ZBTB16: variants seen among roughly 807,000 people sequenced by gnomAD.
The protein encoded by ZBTB16 is zinc finger and BTB domain-containing protein 16.
A neutral mutation model predicts 56.8 loss-of-function variants in ZBTB16; 8 were observed. The observed-to-expected ratio is 0.14, with a 90% CI of 0.08 to 0.25. The LOEUF (loss-of-function observed/expected upper bound fraction) is 0.25. Among genes scored for constraint, ZBTB16 ranks in the 10% least tolerant of loss-of-function variants. ZBTB16 has a pLI of 1.00. For synonymous variants in ZBTB16, 363 were observed against 368.5 expected (o/e 0.98, Z 0.17); for missense variants, 625 against 903.0 (o/e 0.69, Z 3.95).
At chr11:114,227,302 C>T (rs1329614826) in intron 4 of ZBTB16, among the ~76,000 whole-genome samples, 1 of 152,180 alleles carries the variant, frequency 6.6e-6, no homozygotes, top group Non-Finnish European at 1.5e-5. Context: ...ACCTCCTGGG[C>T]CCCATGTGCT....
In ZBTB16 at chr11:114,247,214, G is replaced by A. The variant is rs765355649; in HGVS notation, c.1641G>A (p.Glu547=). Reference sequence around the variant, plus strand: ...TCTCCACAGGCGACCACCCCTACGAGTGTGAGTTCTGTGGCAGCTGCTTCC... The same window carrying A: ...TCTCCACAGGCGACCACCCCTACGAATGTGAGTTCTGTGGCAGCTGCTTCC... ...LRSHTGDHPY[E]CEFCGSCFRD... Residue 547 remains glutamate, a synonymous_variant, in exon 6 of 7, where the codon GAG becomes GAA. Coordinates refer to ENST00000335953, the MANE Select transcript of ZBTB16 (RefSeq NM_006006.6). The A allele has an allele frequency of 3.1e-6, 5 of 1,614,246 alleles. No individual in the cohort carries two copies. Among genetic ancestry groups the A allele is most frequent in the Non-Finnish European group, 4.2e-6 (5 of 1,180,048 alleles).
chr11:114,067,901 T>G (rs2137664283), intron 2 of ZBTB16, among the ~76,000 whole-genome samples: 1 of 152,018 alleles, frequency 6.6e-6, no homozygotes, highest in East Asian at 2.0e-4. Flanking sequence ...TGTAGAAGGC[T>G]TTTTTTCTCC....
At chr11:114,214,695 C>G (rs897996882) in intron 4 of ZBTB16, among the ~76,000 whole-genome samples, 2 of 152,176 alleles carry the variant, frequency 1.3e-5, no homozygotes, top group Admixed American at 1.3e-4. Flanking sequence ...TCTCCGCCTC[C>G]CGGGTTCAAG....
At chr11:114,149,275 A>T (rs1396803588) in intron 2 of ZBTB16, among the ~76,000 whole-genome samples, 1 of 152,170 alleles carries the variant, frequency 6.6e-6, no homozygotes, top group African/African-American at 2.4e-5. Context: ...ACTCAGCCCG[A>T]TGTATATATA....
chr11:114,224,320 G>A lies in ZBTB16; in HGVS notation c.1454-17847G>A, dbSNP rs78283850. 4.7e-3 allele frequency among the ~76,000 whole-genome samples: 721 copies of A among 152,324 alleles called. 10 individuals carry two copies. Among genetic ancestry groups the A allele is most frequent in the African/African-American group, 0.017 (697 of 41,570 alleles). ...TGATCTCTTTCGAGAGGTGAGAGAG[G>A]AATCTAGGATAATGCCCACTTTTCT... On this transcript the variant is annotated intron_variant, in intron 4 of 6. Coordinates refer to ENST00000335953, the MANE Select transcript of ZBTB16 (RefSeq NM_006006.6).
chr11:114,173,922 G>A (rs1289431056), intron 3 of ZBTB16, among the ~76,000 whole-genome samples: 1 of 152,208 alleles, frequency 6.6e-6, no homozygotes, highest in Non-Finnish European at 1.5e-5. Flanking sequence ...GAAGTCAAAA[G>A]GAGAATGCCT....
At chr11:114,135,929 G>A (rs140680097) in intron 2 of ZBTB16, among the ~76,000 whole-genome samples, 60 of 152,302 alleles carry the variant, frequency 3.9e-4, no homozygotes, top group Middle Eastern at 3.4e-3. Context: ...CAGCTCAAAG[G>A]AAAGAACATC....
At chr11:114,236,527 C>T (rs984699371) in intron 4 of ZBTB16, among the ~76,000 whole-genome samples, 1 of 152,136 alleles carries the variant, frequency 6.6e-6, no homozygotes, top group East Asian at 1.9e-4. Flanking sequence ...CAGACAGACA[C>T]GGGGGGCCTC....
rs147700139 is a variant in ZBTB16, at chr11:114,145,127, G to A, written c.1269-11210G>A. Reference sequence around the variant, plus strand: ...CAGAACTGTATCCCCTTTTTGGGGGGCTTTTACAGCAGAGGAAATCTTTAT... The same window carrying A: ...CAGAACTGTATCCCCTTTTTGGGGGACTTTTACAGCAGAGGAAATCTTTAT... On this transcript the variant is annotated intron_variant, in intron 2 of 6. Coordinates refer to ENST00000335953, the MANE Select transcript of ZBTB16 (RefSeq NM_006006.6). Among the ~76,000 whole-genome samples the A allele has an allele frequency of 7.2e-5, 11 of 152,314 alleles. No individual in the cohort carries two copies. In the East Asian group the frequency reaches 2.1e-3, roughly 29 times the overall value.
chr11:114,119,264 C>CAAAAAAA (rs71063549), intron 2 of ZBTB16, among the ~76,000 whole-genome samples: 4 of 57,250 alleles, frequency 7.0e-5, no homozygotes, highest in African/African-American at 2.0e-4. Context: ...AACTCTGTCT[C>CAAAAAAA]AAAAAAAAAA....
intron 2 of ZBTB16, among the ~76,000 whole-genome samples, chr11:114,116,203 A>G (rs115616331): frequency 2.3e-3 from 345 of 152,254 alleles, no homozygotes; most frequent in African/African-American, 8.0e-3. Context: ...TGGGGACATT[A>G]ATAGCTGGGG....
At chr11:114,216,403 G>A (rs1388804648) in intron 4 of ZBTB16, among the ~76,000 whole-genome samples, 2 of 152,150 alleles carry the variant, frequency 1.3e-5, no homozygotes, top group Non-Finnish European at 2.9e-5. Flanking sequence ...TTACTAGGCT[G>A]ATAAATTGCT....
intron 3 of ZBTB16, among the ~76,000 whole-genome samples, chr11:114,160,607 A>ATC (rs1942561781): frequency 6.6e-6 from 1 of 152,232 alleles, no homozygotes; most frequent in African/African-American, 2.4e-5. Flanking sequence ...TCTGAGAGAC[A>ATC]GTGCCTTCCC....
At chr11:114,233,072 C>T (rs1259615415) in intron 4 of ZBTB16, among the ~76,000 whole-genome samples, 1 of 31,240 alleles carries the variant, frequency 3.2e-5, no homozygotes, top group Non-Finnish European at 7.2e-5. Flanking sequence ...CGCATGCGCG[C>T]GCGCGCGCGC....
intron 2 of ZBTB16, among the ~76,000 whole-genome samples, chr11:114,110,518 G>C (rs1940968783): frequency 6.6e-6 from 1 of 152,192 alleles, no homozygotes; most frequent in Non-Finnish European, 1.5e-5. Context: ...CACTGATGCA[G>C]ATTTAAAGAA....
At chr11:114,242,367 G>A in intron 5 of ZBTB16, 30 bp downstream of exon 5, 1 of 1,610,946 alleles carries the variant, frequency 6.2e-7, no homozygotes, top group Non-Finnish European at 8.5e-7. Context: ...GGGTGGATCT[G>A]GGTCTCTGGG....
intron 2 of ZBTB16, among the ~76,000 whole-genome samples, chr11:114,109,676 T>G: frequency 1.5e-5 from 2 of 137,580 alleles, no homozygotes; most frequent in South Asian, 2.4e-4. Flanking sequence ...GTGGGGGAGA[T>G]AGGAAAGGAA....
intron 2 of ZBTB16, among the ~76,000 whole-genome samples, chr11:114,155,316 G>T (rs1052902808): frequency 1.3e-5 from 2 of 152,234 alleles, no homozygotes; most frequent in African/African-American, 4.8e-5. Context: ...GCATGTATGG[G>T]CCTGACAACA....
Position 114,252,415 on chromosome 11 carries a change from TTG to T in ZBTB16, c.*1861_*1862del, listed in dbSNP as rs1213144751. ...GGGATCCAGCCTTTGTTTTGTTGTG[TTG>T]GGGTGGGGGTGTTGTTTTTCTAAAA... On this transcript the variant is annotated 3_prime_UTR_variant, in exon 7 of 7. Coordinates refer to ENST00000335953, the MANE Select transcript of ZBTB16 (RefSeq NM_006006.6). Among the ~76,000 whole-genome samples the T allele has an allele frequency of 6.6e-6, 1 of 151,750 alleles. No homozygotes were observed. Among genetic ancestry groups the T allele is most frequent in the African/African-American group, 2.4e-5 (1 of 41,360 alleles).
Sources: gnomAD v4.1 joint callset for allele counts (sites outside exome capture counted in the v4.1 genomes callset) on GRCh38, gnomAD v4.1.1 for gene constraint, MANE v1.5 for transcripts, NCBI Gene and HGNC (gene_info 2026-07-23, HGNC 2026-07-21) for gene names.